TRHDE: variants seen among roughly 807,000 people sequenced by gnomAD.
TRHDE encodes thyrotropin releasing hormone degrading enzyme, also known as thyrotropin-releasing hormone-degrading ectoenzyme.
A neutral mutation model predicts 125.7 loss-of-function variants in TRHDE; 72 were observed. The observed-to-expected ratio is 0.57, with a 90% CI of 0.47 to 0.70. The LOEUF is 0.70. Among genes scored for constraint, TRHDE ranks in the 30% least tolerant of loss-of-function variants. TRHDE has a pLI of 0.00. For missense variants in TRHDE, 1,110 were observed against 1,327.1 expected, an observed-to-expected ratio of 0.84 and a Z score of 2.54; for synonymous variants, 509 against 509.1, an observed-to-expected ratio of 1.00 and a Z score of 0.00.
In TRHDE at chr12:72,641,782, T is replaced by G. The variant is rs200366553; in HGVS notation, c.2676-10540T>G. On this transcript the variant is annotated intron_variant, in intron 15 of 18. Transcript: ENST00000261180. ...ACTGTTTTTCATTTAATAACTAAAA[T>G]ACCAATTCACTATGATTTAGTTTCA... is the stretch of plus-strand genomic sequence containing the variant. Among the ~76,000 whole-genome samples the G allele has an allele frequency of 3.1e-4, 47 of 152,344 alleles. 1 individual carries two copies. In the East Asian group the frequency reaches 7.9e-3, roughly 26 times the overall value.
intron 6 of TRHDE, among the ~76,000 whole-genome samples, chr12:72,535,104 A>G (rs532343360): frequency 3.3e-5 from 5 of 152,096 alleles, no homozygotes; most frequent in Non-Finnish European, 7.4e-5. Flanking sequence ...TACTTTTTAA[A>G]CCTTATTATA....
chr12:72,462,399 A>G (rs1475450235), intron 3 of TRHDE, among the ~76,000 whole-genome samples: 2 of 152,198 alleles, frequency 1.3e-5, no homozygotes, highest in Non-Finnish European at 2.9e-5. Context: ...AGCTCTTTAC[A>G]TGGCAGAGTG....
intron 2 of TRHDE, among the ~76,000 whole-genome samples, chr12:72,210,661 A>G (rs373701919): frequency 4.6e-5 from 7 of 152,190 alleles, no homozygotes; most frequent in South Asian, 2.1e-4. Context: ...ACTTACAACA[A>G]TTTATATTTT....
At chr12:72,445,925 C>T (rs1299607092) in intron 3 of TRHDE, among the ~76,000 whole-genome samples, 1 of 151,846 alleles carries the variant, frequency 6.6e-6, no homozygotes, top group Non-Finnish European at 1.5e-5. Context: ...CATGTGGGCA[C>T]TGGTTGGTTA....
chr12:72,244,935 TG>T (rs999448016), intron 2 of TRHDE, among the ~76,000 whole-genome samples: 4 of 152,140 alleles, frequency 2.6e-5, no homozygotes, highest in Middle Eastern at 3.2e-3. Context: ...TTACATCCTT[TG>T]TAACCATTTA....
At chr12:72,178,209 A>G (rs1188673627) in intron 2 of TRHDE, among the ~76,000 whole-genome samples, 2 of 152,142 alleles carry the variant, frequency 1.3e-5, no homozygotes, top group African/African-American at 4.8e-5. Flanking sequence ...TTAGTTTGGT[A>G]GCATGGTGGT....
chr12:72,519,905 G>C (rs1430895836), intron 6 of TRHDE, among the ~76,000 whole-genome samples: 2 of 152,200 alleles, frequency 1.3e-5, no homozygotes, highest in Non-Finnish European at 2.9e-5. Context: ...ACCTGGCCCT[G>C]TGAGGTGTCA....
intron 3 of TRHDE, among the ~76,000 whole-genome samples, chr12:72,451,653 G>A (rs1459272990): frequency 6.6e-6 from 1 of 151,808 alleles, no homozygotes; most frequent in Non-Finnish European, 1.5e-5. Flanking sequence ...TAAATTTTAG[G>A]CACTTTTTTT....
chr12:72,536,894 A>C (rs1390793662), intron 6 of TRHDE, among the ~76,000 whole-genome samples: 2 of 152,052 alleles, frequency 1.3e-5, no homozygotes, highest in Non-Finnish European at 2.9e-5. Context: ...TTCTGTGAGC[A>C]TCTCACTGAT....
At chr12:72,161,571 G>T (rs1876638246) in intron 2 of TRHDE, among the ~76,000 whole-genome samples, 2 of 152,144 alleles carry the variant, frequency 1.3e-5, no homozygotes, top group Admixed American at 1.3e-4. Flanking sequence ...GATTTTTGTG[G>T]TAGGTAAGAT....
intron 2 of TRHDE, among the ~76,000 whole-genome samples, chr12:72,151,535 C>T (rs1377240111): frequency 6.6e-6 from 1 of 151,926 alleles, no homozygotes; most frequent in Non-Finnish European, 1.5e-5. Flanking sequence ...TTAGGTCTAA[C>T]ATTTAAGTCT....
chr12:72,339,730 A>G (rs1197293536), intron 2 of TRHDE, among the ~76,000 whole-genome samples: 3 of 152,212 alleles, frequency 2.0e-5, no homozygotes, highest in South Asian at 2.1e-4. Context: ...TTGCACATTT[A>G]GAAATGAATG....
chr12:72,634,723 T>C (rs564563480), intron 15 of TRHDE, among the ~76,000 whole-genome samples: 15 of 144,176 alleles, frequency 1.0e-4, no homozygotes, highest in Admixed American at 9.8e-4. Flanking sequence ...CATTGTTCAA[T>C]TCCCACCTAT....
chr12:72,412,632 T>C (rs1873560746), intron 3 of TRHDE, among the ~76,000 whole-genome samples: 1 of 152,204 alleles, frequency 6.6e-6, no homozygotes, highest in Non-Finnish European at 1.5e-5. Flanking sequence ...CAGAACTGTT[T>C]ATAATAGCCA....
In TRHDE at chr12:72,273,775, C is replaced by T. The variant is rs570470282; in HGVS notation, c.914+218C>T. 261 of 548,230 alleles carry T rather than the reference C, an allele frequency of 4.8e-4. 1 individual carries two copies. Among genetic ancestry groups the T allele is most frequent in the African/African-American group, 4.5e-3 (240 of 53,374 alleles). 34.0% of individuals were successfully genotyped at this position (548,230 alleles called of 1,614,324 possible). On this transcript the variant is annotated intron_variant, in intron 1 of 18. Transcript: ENST00000261180. The surrounding 1 kb of genome is among the most constrained non-coding windows in gnomAD (Gnocchi z 5.3). ...AACTTCGCAAACTGACTCACCGGTG[C>T]CAAAAGATGAATGCTGCCCCCTCCT...
At chr12:72,228,634 G>A (rs1212488397) in intron 2 of TRHDE, among the ~76,000 whole-genome samples, 1 of 152,146 alleles carries the variant, frequency 6.6e-6, no homozygotes, top group Non-Finnish European at 1.5e-5. Context: ...TGCATCATCA[G>A]GCTGCAAGTT....
At chr12:72,107,878 C>G (rs1455939761) in intron 2 of TRHDE, among the ~76,000 whole-genome samples, 1 of 152,104 alleles carries the variant, frequency 6.6e-6, no homozygotes, top group Admixed American at 6.6e-5. Flanking sequence ...TTGAAGAATA[C>G]TTCACTGTTT....
chr12:72,216,654 T>C (rs1403310), intron 2 of TRHDE, among the ~76,000 whole-genome samples: 48,294 of 152,068 alleles, frequency 0.32, 8,295 homozygotes, highest in Middle Eastern at 0.38. Context: ...AGTAATAGTT[T>C]TGTACGCTTG....
intron 12 of TRHDE, among the ~76,000 whole-genome samples, chr12:72,617,129 A>G (rs576166666): frequency 2.0e-4 from 31 of 152,276 alleles, no homozygotes; most frequent in Non-Finnish European, 4.4e-4. Flanking sequence ...AATGTATAAA[A>G]TGGAATTTGC....
Sources: gnomAD v4.1 joint callset for allele counts (sites outside exome capture counted in the v4.1 genomes callset) on GRCh38, gnomAD v4.1.1 for gene constraint, Gnocchi (gnomAD v3.1) non-coding constraint, MANE v1.5 for transcripts, NCBI Gene and HGNC (gene_info 2026-07-23, HGNC 2026-07-21) for gene names.